Variants in CENPU observed in about 807,000 individuals in gnomAD.
CENPU encodes KSHV latent nuclear antigen interacting protein 1.
CENPU carries 46 observed loss-of-function variants against 56.7 expected under a neutral mutation model. The ratio of observed to expected loss-of-function variants is 0.81; its 90% confidence interval spans 0.64 to 1.04. The LOEUF (loss-of-function observed/expected upper bound fraction) is 1.04, where lower values mean the gene tolerates loss of function less well. Among genes scored for constraint, CENPU ranks in the 50% least tolerant of loss-of-function variants. The probability of loss-of-function intolerance (pLI) is 0.00; values close to 1 mark genes in which losing one functional copy is unlikely to be tolerated. For missense variants in CENPU, 510 were observed against 490.1 expected, an observed-to-expected ratio of 1.04 and a Z score of -0.38; for synonymous variants, 166 against 163.0, an observed-to-expected ratio of 1.02 and a Z score of -0.14.
intron 8 of CENPU, among the ~76,000 whole-genome samples, chr4:184,703,151 G>C (rs888838222): frequency 6.6e-6 from 1 of 152,166 alleles, no homozygotes; most frequent in African/African-American, 2.4e-5. Flanking sequence ...CTGGTACGGG[G>C]TCATCTTAAT....
At position 184,695,254 on chromosome 4, in the gene CENPU, C is replaced by A. The variant is rs1209214762; in HGVS notation, c.*34G>T. On this transcript the variant is annotated 3_prime_UTR_variant, in exon 13 of 13. Coordinates refer to ENST00000281453, the MANE Select transcript of CENPU (RefSeq NM_024629.4). ...CAGAAGGTAACAGCATGAGACTAGT[C>A]TTCCTATAGGCACATTTTAGTAGAC... The A allele has an allele frequency of 1.4e-6, 2 of 1,400,566 alleles. No individual in the cohort carries two copies. The highest frequency in any genetic ancestry group is 1.2e-5 in the South Asian group (1 of 86,674). The allele number at this position is 1,400,566 out of a possible 1,614,324, so 86.8% of individuals were successfully genotyped here.
chr4:184,731,291 G>T (rs1265079509), intron 1 of CENPU, among the ~76,000 whole-genome samples: 1 of 152,178 alleles, frequency 6.6e-6, no homozygotes, highest in African/African-American at 2.4e-5. Flanking sequence ...TCCATCCGGT[G>T]CCTGGCTCTC....
intron 8 of CENPU, among the ~76,000 whole-genome samples, chr4:184,709,362 C>G (rs531258814): frequency 6.6e-6 from 1 of 152,044 alleles, no homozygotes; most frequent in Admixed American, 6.5e-5. Flanking sequence ...TGGCACATGC[C>G]TGTAGTCCCA....
At position 184,694,774 on chromosome 4, in the gene CENPU, G is replaced by A. The variant is rs775962436; in HGVS notation, c.*514C>T. 9.3e-6 allele frequency: 15 copies of A among 1,606,732 alleles called. No homozygotes were observed. In the South Asian group the frequency reaches 1.5e-4, roughly 16 times the overall value. On this transcript the variant is annotated 3_prime_UTR_variant, in exon 13 of 13. Transcript: ENST00000281453. ...TGAACTAATTATAGAAGTATTACAAGAGTAACTAATTCACTATGAACACTT... is the reference window on the plus strand; with the variant it reads ...TGAACTAATTATAGAAGTATTACAAAAGTAACTAATTCACTATGAACACTT...
chr4:184,697,081 A>G (rs1429356251), intron 12 of CENPU, among the ~76,000 whole-genome samples: 2 of 152,004 alleles, frequency 1.3e-5, no homozygotes, highest in Admixed American at 1.3e-4. Context: ...GGGTTTCACC[A>G]TATCGCCCAA....
At chr4:184,712,138 AG>A (rs1760947098) in intron 7 of CENPU, among the ~76,000 whole-genome samples, 1 of 151,244 alleles carries the variant, frequency 6.6e-6, no homozygotes, top group Non-Finnish European at 1.5e-5. Flanking sequence ...AAAAAAAAAA[AG>A]TTCACAGCAG....
At chr4:184,716,714 T>C (rs1236821041) in intron 5 of CENPU, 81 bp from the exon 6 acceptor site, 2 of 1,062,512 alleles carry the variant, frequency 1.9e-6, no homozygotes, top group South Asian at 1.5e-5. Context: ...GAAAACCATA[T>C]ATATAGTCCA....
At chr4:184,713,872 G>C (rs1761002804) in intron 6 of CENPU, 1 of 152,258 alleles carries the variant, frequency 6.6e-6, no homozygotes, top group Admixed American at 6.5e-5. Context: ...GAGGCACCTG[G>C]AATAAGCTGC....
At chr4:184,730,492 AG>A (rs1193895507) in intron 2 of CENPU, among the ~76,000 whole-genome samples, 1 of 151,414 alleles carries the variant, frequency 6.6e-6, no homozygotes, top group Non-Finnish European at 1.5e-5. Context: ...AACTGGAATT[AG>A]CTATCAAGAA....
rs1760241152 is a variant in CENPU, at chr4:184,695,375, C to T, written c.1170G>A (p.Leu390=). The change falls in exon 13 of 13, where the codon CTG becomes CTA. Residue 390 remains leucine (L), a synonymous_variant. Coordinates refer to ENST00000281453, the MANE Select transcript of CENPU (RefSeq NM_024629.4). ...ETYDSSSLPA[L]LFKARTLLGA... is the part of the protein sequence containing the mutation. ...CCAGAAGTGTTCTTGCTTTAAATAA[C>T]AGAGCTGGAAGGCTGGATGAATCAT... 9 of 1,612,918 alleles carry T rather than the reference C, an allele frequency of 5.6e-6. No individual in the cohort carries two copies. In the East Asian group the frequency reaches 2.0e-4, roughly 36 times the overall value.
At chr4:184,708,199 G>A (rs906986089) in intron 8 of CENPU, among the ~76,000 whole-genome samples, 2 of 146,722 alleles carry the variant, frequency 1.4e-5, no homozygotes, top group African/African-American at 5.0e-5. Flanking sequence ...CTCTAGCCTG[G>A]GTGATAGAGT....
At chr4:184,711,005 G>A (rs114599576) in intron 7 of CENPU, among the ~76,000 whole-genome samples, 4,406 of 152,004 alleles carry the variant, frequency 0.029, 223 homozygotes, top group African/African-American at 0.1. Flanking sequence ...ACAAGTGTAC[G>A]CCACTATGCC....
chr4:184,731,904 T>TGC (rs200596777), intron 1 of CENPU, among the ~76,000 whole-genome samples: 2,053 of 151,990 alleles, frequency 0.014, 57 homozygotes, highest in African/African-American at 0.047. Flanking sequence ...TGTGTGTGTG[T>TGC]GTGTGTCTGG....
At chr4:184,709,052 G>A (rs1396659544) in intron 8 of CENPU, among the ~76,000 whole-genome samples, 1 of 152,116 alleles carries the variant, frequency 6.6e-6, no homozygotes, top group African/African-American at 2.4e-5. Context: ...TCAACATATT[G>A]TTCAAGATAT....
intron 1 of CENPU, among the ~76,000 whole-genome samples, chr4:184,731,338 A>G (rs1761638698): frequency 6.6e-6 from 1 of 152,128 alleles, no homozygotes; most frequent in African/African-American, 2.4e-5. Flanking sequence ...ACAGTCCTAT[A>G]AGGTAGAAGT....
chr4:184,719,745 TGAGAG>T (rs937866550), intron 4 of CENPU, among the ~76,000 whole-genome samples: 10 of 151,982 alleles, frequency 6.6e-5, no homozygotes, highest in Admixed American at 1.3e-4. Context: ...CTTTCTTCTG[TGAGAG>T]GAGAGGAGAG....
In CENPU at chr4:184,694,990, G is replaced by A. The variant is rs1237491084; in HGVS notation, c.*298C>T. 2 of 549,262 alleles carry A rather than the reference G, an allele frequency of 3.6e-6. No homozygotes were observed. The highest frequency in any genetic ancestry group is 6.4e-6 in the Non-Finnish European group (2 of 311,924). The allele number at this position is 549,262 out of a possible 1,614,324, so 34.0% of individuals were successfully genotyped here. A position where few individuals can be genotyped will look rare whatever the true frequency, so the allele number is the denominator to read the frequency against. On this transcript the variant is annotated 3_prime_UTR_variant, in exon 13 of 13. Coordinates refer to ENST00000281453, the MANE Select transcript of CENPU (RefSeq NM_024629.4). The stretch of plus-strand genomic sequence containing the variant: ...CGCCTTATTAATTAATCAAAATTAT[G>A]TTCACATCAACTTAATTTTACAAGT...
intron 4 of CENPU, 102 bp from the exon 5 acceptor site, chr4:184,717,298 G>A (rs1338040579): frequency 2.4e-6 from 2 of 840,774 alleles, no homozygotes; most frequent in Non-Finnish European, 1.9e-6. Flanking sequence ...TCAATTTAAT[G>A]AGGAAATATC....
Position 184,695,023 on chromosome 4 carries a change from A to G in CENPU, c.*265T>C. 1 of 539,200 alleles carries G rather than the reference A, an allele frequency of 1.9e-6. No homozygotes were observed. Among genetic ancestry groups the G allele is most frequent in the South Asian group, 2.5e-5 (1 of 40,004 alleles). The allele number at this position is 539,200 out of a possible 1,614,324, so 33.4% of individuals were successfully genotyped here. On this transcript the variant is annotated 3_prime_UTR_variant, in exon 13 of 13. Transcript: ENST00000281453. The stretch of plus-strand genomic sequence containing the variant: ...CAACTTAATTTTACAAGTTTATTAT[A>G]GCTCATACCTGGGACCGATTAAGGT...
Sources: gnomAD v4.1 joint callset for allele counts (sites outside exome capture counted in the v4.1 genomes callset) on GRCh38, gnomAD v4.1.1 for gene constraint, MANE v1.5 for transcripts, NCBI Gene and HGNC (gene_info 2026-07-23, HGNC 2026-07-21) for gene names.